Variants in NDRG4 observed in about 807,000 individuals in gnomAD.
The protein encoded by NDRG4 is NDRG family member 4.
Under a neutral mutation model 55.8 loss-of-function variants are expected in NDRG4, and 38 were observed. The observed-to-expected ratio is 0.68, with a 90% CI of 0.53 to 0.89. The LOEUF (loss-of-function observed/expected upper bound fraction) is 0.89, where lower values mean the gene tolerates loss of function less well. Ranked by LOEUF, NDRG4 falls within the 40% of genes least tolerant of loss-of-function variation. The pLI is 0.00. For synonymous variants in NDRG4, 190 were observed against 182.7 expected, an observed-to-expected ratio of 1.04 and a Z score of -0.32; for missense variants, 455 against 468.6, an observed-to-expected ratio of 0.97 and a Z score of 0.27.
chr16:58,490,106 T>C lies in NDRG4; in HGVS notation c.72+2256T>C, dbSNP rs56751459. On this transcript the variant is annotated intron_variant, in intron 2 of 15. Coordinates refer to the NDRG4 transcript ENST00000258187. ...ATCCTCCTACCTCAGCCTTCCTAAG[T>C]GCTGGGATTACAGGCCTGAGCCTCT... 7.4e-3 allele frequency among the ~76,000 whole-genome samples: 1,121 copies of C among 152,328 alleles called. 25 individuals are homozygous for C. Among genetic ancestry groups the C allele is most frequent in the East Asian group, 0.068 (354 of 5,178 alleles).
At chr16:58,514,916 T>C (rs527667172), downstream of NDRG4, among the ~76,000 whole-genome samples, 53 of 152,296 alleles carry the variant, frequency 3.5e-4, no homozygotes, top group African/African-American at 1.2e-3. Context: ...TTCATTTATT[T>C]ACCCAATAGG....
intron 1 of NDRG4, among the ~76,000 whole-genome samples, chr16:58,471,219 A>C (rs1314711458): frequency 8.0e-6 from 1 of 125,514 alleles, no homozygotes; most frequent in Non-Finnish European, 1.6e-5. Flanking sequence ...TTTTGGAGAC[A>C]GGGTCGTACT....
At chr16:58,507,212 G>A (rs558517634) in intron 8 of NDRG4, 197 bp downstream of exon 8, 22 of 579,566 alleles carry the variant, frequency 3.8e-5, no homozygotes, top group South Asian at 1.1e-4. Flanking sequence ...TTCAGACTCC[G>A]GGCCTTGGGC....
intron 1 of NDRG4, among the ~76,000 whole-genome samples, chr16:58,465,679 G>A (rs1430826876): frequency 6.6e-6 from 1 of 152,078 alleles, no homozygotes; most frequent in Non-Finnish European, 1.5e-5. Flanking sequence ...CCAGAGGATC[G>A]CTTAAGGCCA....
chr16:58,487,698 CCTT>C (rs2035265292), intron 1 of NDRG4: 3 of 1,375,316 alleles, frequency 2.2e-6, no homozygotes, highest in African/African-American at 1.5e-5. Flanking sequence ...CTTGCGCTGT[CCTT>C]CTCCGCCCGG....
At chr16:58,514,569 T>G (rs913084382), downstream of NDRG4, among the ~76,000 whole-genome samples, 1 of 151,888 alleles carries the variant, frequency 6.6e-6, no homozygotes, top group Non-Finnish European at 1.5e-5. Context: ...AAACCCCGAC[T>G]CTACTAAAAA....
intron 5 of NDRG4, 68 bp from the exon 6 acceptor site, chr16:58,506,319 T>G (rs767008325): frequency 1.3e-6 from 2 of 1,482,868 alleles, no homozygotes; most frequent in Non-Finnish European, 1.9e-6. Context: ...CTTGAAGACT[T>G]TACAGAGTGT....
chr16:58,473,186 G>T (rs939052933), intron 1 of NDRG4, among the ~76,000 whole-genome samples: 17 of 151,970 alleles, frequency 1.1e-4, no homozygotes, highest in Non-Finnish European at 2.2e-4. Flanking sequence ...GAAAGACAGG[G>T]TCTTACTTTG....
intron 12 of NDRG4, 21 bp downstream of exon 12, chr16:58,509,210 G>A (rs2038446201): frequency 6.2e-7 from 1 of 1,613,992 alleles, no homozygotes; most frequent in African/African-American, 1.3e-5. Flanking sequence ...TGGCCCTCCT[G>A]CCCTTACATC....
intron 1 of NDRG4, among the ~76,000 whole-genome samples, chr16:58,479,772 C>G (rs887656796): frequency 5.3e-5 from 8 of 152,150 alleles, no homozygotes; most frequent in African/African-American, 1.9e-4. Context: ...GTTCTTGTCC[C>G]CTAGGAGTGT....
chr16:58,479,770 C>G (rs1053647886), intron 1 of NDRG4, among the ~76,000 whole-genome samples: 1 of 152,214 alleles, frequency 6.6e-6, no homozygotes, highest in Non-Finnish European at 1.5e-5. Flanking sequence ...TAGTTCTTGT[C>G]CCCTAGGAGT....
chr16:58,510,113 CAGG>C (rs2038611360), intron 13 of NDRG4, among the ~76,000 whole-genome samples: 2 of 152,184 alleles, frequency 1.3e-5, no homozygotes, highest in Admixed American at 1.3e-4. Context: ...CCAGGGCAAA[CAGG>C]AGGGCTGCCT....
downstream of NDRG4, among the ~76,000 whole-genome samples, chr16:58,515,161 C>T (rs1035643475): frequency 6.6e-6 from 1 of 152,196 alleles, no homozygotes; most frequent in Non-Finnish European, 1.5e-5. Flanking sequence ...TCGCTCGCCG[C>T]CCAGTTGCGT....
chr16:58,510,705 T>G, intron 14 of NDRG4, 22 bp downstream of exon 14: 1 of 1,535,210 alleles, frequency 6.5e-7, no homozygotes, highest in South Asian at 1.2e-5. Context: ...GCCCTTCCCC[T>G]GATGCATGGA....
chr16:58,510,217 A>G (rs1397441793), intron 13 of NDRG4, among the ~76,000 whole-genome samples: 1 of 152,238 alleles, frequency 6.6e-6, no homozygotes, highest in South Asian at 2.1e-4. Context: ...GCAGGAGCAC[A>G]GAGTCTGGAA....
intron 1 of NDRG4, among the ~76,000 whole-genome samples, chr16:58,484,919 G>A (rs1241295353): frequency 9.1e-6 from 1 of 109,372 alleles, no homozygotes; most frequent in Admixed American, 1.1e-4. Flanking sequence ...GTCTCGCTTT[G>A]TCCCCAGGCT....
chr16:58,466,207 G>C (rs1407694349), intron 1 of NDRG4, among the ~76,000 whole-genome samples: 1 of 152,176 alleles, frequency 6.6e-6, no homozygotes, highest in Non-Finnish European at 1.5e-5. Context: ...AGTAGAGATG[G>C]GTTTCGCCAT....
intron 1 of NDRG4, among the ~76,000 whole-genome samples, chr16:58,477,927 T>C (rs2033892147): frequency 6.6e-6 from 1 of 152,182 alleles, no homozygotes; most frequent in Non-Finnish European, 1.5e-5. Flanking sequence ...GTTAACGTCC[T>C]CTGTAATAAG....
rs536138151 is a variant in NDRG4, at chr16:58,484,140, C to T, written c.-23-3616C>T. Reference sequence around the variant, plus strand: ...ATTTTTACACTTTGGGAGGCTAAGGCAGGTGGATCACCTGAGGTCAAGAGT... The same window carrying T: ...ATTTTTACACTTTGGGAGGCTAAGGTAGGTGGATCACCTGAGGTCAAGAGT... On this transcript the variant is annotated intron_variant, in intron 1 of 15. Transcript: ENST00000258187. Among the ~76,000 whole-genome samples the T allele has an allele frequency of 3.9e-5, 6 of 152,164 alleles. No individual in the cohort carries two copies. The South Asian group carries it at 1.2e-3, about 32-fold the overall frequency.
Sources: allele counts gnomAD v4.1 joint callset (sites outside exome capture counted in the v4.1 genomes callset), GRCh38; gene constraint gnomAD v4.1.1; transcripts MANE v1.5; gene names NCBI Gene and HGNC (gene_info 2026-07-23, HGNC 2026-07-21).